DGKI: variants seen among roughly 807,000 people sequenced by gnomAD.
DGKI encodes diacylglycerol kinase iota, also known as DAG kinase iota.
A neutral mutation model predicts 147.5 loss-of-function variants in DGKI; 55 were observed. The observed-to-expected ratio is 0.37, with a 90% CI of 0.30 to 0.47. DGKI has a LOEUF of 0.47. DGKI is among the 20% of genes least tolerant of loss of function. The pLI, the probability that DGKI is intolerant of heterozygous loss-of-function variation, is 1.00. For missense variants in DGKI, 1,007 were observed against 1,323.8 expected, an observed-to-expected ratio of 0.76 and a Z score of 3.71; for synonymous variants, 469 against 477.1, an observed-to-expected ratio of 0.98 and a Z score of 0.22.
intron 14 of DGKI, among the ~76,000 whole-genome samples, chr7:137,582,530 G>C (rs1278341426): frequency 6.6e-6 from 1 of 151,864 alleles, no homozygotes; most frequent in Non-Finnish European, 1.5e-5. Flanking sequence ...TGCTGGCCTA[G>C]AGAGAAAAAC....
At chr7:137,741,941 A>G (rs1163774576) in intron 1 of DGKI, among the ~76,000 whole-genome samples, 1 of 152,162 alleles carries the variant, frequency 6.6e-6, no homozygotes, top group East Asian at 1.9e-4. Context: ...AAAAATTCTT[A>G]CTTAAAAAAA....
chr7:137,618,591 TG>T (rs1476850475), intron 8 of DGKI, among the ~76,000 whole-genome samples: 1 of 151,986 alleles, frequency 6.6e-6, no homozygotes, highest in Non-Finnish European at 1.5e-5. Flanking sequence ...ACTGAATGAA[TG>T]TTTAATGTAA....
chr7:137,661,492 G>T (rs1000859312), intron 3 of DGKI, among the ~76,000 whole-genome samples: 11 of 152,108 alleles, frequency 7.2e-5, no homozygotes, highest in African/African-American at 2.7e-4. Flanking sequence ...AGGGCCAGAG[G>T]GGGGCCACAT....
intron 23 of DGKI, among the ~76,000 whole-genome samples, chr7:137,477,642 G>T (rs7779526): frequency 0.19 from 29,120 of 152,096 alleles, 4,135 homozygotes; most frequent in African/African-American, 0.4. Context: ...TGTAAACACA[G>T]TTTTATTTTT....
chr7:137,698,011 TATAG>T (rs573596917), intron 1 of DGKI, among the ~76,000 whole-genome samples: 106 of 151,466 alleles, frequency 7.0e-4, no homozygotes, highest in African/African-American at 2.3e-3. Flanking sequence ...GATAGATAGC[TATAG>T]ATAGATAAAC....
intron 12 of DGKI, among the ~76,000 whole-genome samples, chr7:137,587,894 A>T (rs1286786051): frequency 1.3e-5 from 2 of 152,226 alleles, no homozygotes; most frequent in African/African-American, 2.4e-5. Flanking sequence ...ATATACTAGA[A>T]TCATATCCCT....
intron 28 of DGKI, among the ~76,000 whole-genome samples, 161 bp from the exon 29 acceptor site, chr7:137,412,368 C>T (rs1163907478): frequency 6.6e-6 from 1 of 152,188 alleles, no homozygotes; most frequent in African/African-American, 2.4e-5. Flanking sequence ...CTCTTTAACC[C>T]TTCCCCACCC....
intron 23 of DGKI, among the ~76,000 whole-genome samples, chr7:137,476,185 C>T (rs1217649435): frequency 2.6e-5 from 4 of 152,174 alleles, no homozygotes; most frequent in Non-Finnish European, 4.4e-5. Flanking sequence ...TCGTTCATTC[C>T]TCCCTACTCT....
intron 32 of DGKI, among the ~76,000 whole-genome samples, chr7:137,393,027 T>G (rs1029789313): frequency 1.3e-5 from 2 of 152,214 alleles, no homozygotes; most frequent in Non-Finnish European, 2.9e-5. Context: ...ATATCATGTA[T>G]GTATGACTTC....
intron 1 of DGKI, among the ~76,000 whole-genome samples, chr7:137,705,111 G>C (rs572895762): frequency 2.0e-4 from 30 of 152,132 alleles, no homozygotes; most frequent in African/African-American, 7.0e-4. Context: ...ACTAAATGTT[G>C]GCAAGAATGT....
At chr7:137,554,791 G>GA (rs1034567063) in intron 19 of DGKI, among the ~76,000 whole-genome samples, 1 of 151,386 alleles carries the variant, frequency 6.6e-6, no homozygotes, top group Non-Finnish European at 1.5e-5. Flanking sequence ...GTACCCGAAG[G>GA]AAAAAATCTG....
At chr7:137,768,970 C>T (rs763621047) in intron 1 of DGKI, among the ~76,000 whole-genome samples, 3 of 151,968 alleles carry the variant, frequency 2.0e-5, no homozygotes, top group Non-Finnish European at 4.4e-5. Context: ...GTCAGAGGTG[C>T]CAGCAGATGA....
intron 28 of DGKI, among the ~76,000 whole-genome samples, chr7:137,419,285 G>A (rs971078443): frequency 2.0e-5 from 3 of 152,106 alleles, no homozygotes; most frequent in Admixed American, 1.3e-4. Context: ...AAAATCCATC[G>A]CAAATGTGAC....
chr7:137,688,659 T>A (rs78782938), intron 2 of DGKI, among the ~76,000 whole-genome samples: 10 of 152,358 alleles, frequency 6.6e-5, no homozygotes, highest in African/African-American at 2.4e-4. Flanking sequence ...CATAATACAC[T>A]CTCATCATTG....
intron 1 of DGKI, among the ~76,000 whole-genome samples, chr7:137,781,211 A>G (rs889131292): frequency 4.6e-5 from 7 of 152,216 alleles, no homozygotes; most frequent in Non-Finnish European, 1.0e-4. Context: ...CTCAAAAGGC[A>G]TAGCAGAAAT....
intron 20 of DGKI, chr7:137,545,864 G>A: frequency 4.3e-6 from 3 of 696,702 alleles, no homozygotes; most frequent in Non-Finnish European, 7.9e-6. Flanking sequence ...ACGAGGCTGG[G>A]GAGAAAATGT....
At position 137,656,623 on chromosome 7, in the gene DGKI, T is replaced by C; in HGVS notation, c.607-83A>G. On this transcript the variant is annotated intron_variant, in intron 3 of 32. Coordinates refer to ENST00000614521, the MANE Select transcript of DGKI (RefSeq NM_001321708.2). ...TCCCTAGTATTAAAGTGGGCATATA[T>C]AATAAATACATAAATACAGCAAACA... is the stretch of plus-strand genomic sequence containing the variant. 8.1e-6 allele frequency: 10 copies of C among 1,229,858 alleles called. No homozygotes were observed. The South Asian group carries it at 1.0e-4, about 13-fold the overall frequency. The allele number at this position is 1,229,858 out of a possible 1,614,324, so 76.2% of individuals were successfully genotyped here. A position where few individuals can be genotyped will look rare whatever the true frequency, so the allele number is the denominator to read the frequency against.
chr7:137,428,848 ATG>A (rs1398775357), intron 28 of DGKI, among the ~76,000 whole-genome samples: 10 of 152,246 alleles, frequency 6.6e-5, no homozygotes, highest in African/African-American at 1.9e-4. Context: ...CTTACAAGGG[ATG>A]CGAAGGACCT....
chr7:137,553,408 C>T (rs1818117225), intron 19 of DGKI, among the ~76,000 whole-genome samples: 1 of 152,102 alleles, frequency 6.6e-6, no homozygotes, highest in South Asian at 2.1e-4. Flanking sequence ...TAATTTAAAA[C>T]ACTCTGGAAA....
Sources: allele counts gnomAD v4.1 joint callset (sites outside exome capture counted in the v4.1 genomes callset), GRCh38; gene constraint gnomAD v4.1.1; transcripts MANE v1.5; gene names NCBI Gene and HGNC (gene_info 2026-07-23, HGNC 2026-07-21).